Variants in LYPLA1 observed in about 807,000 individuals in gnomAD.
LYPLA1 encodes the protein lysophospholipase 1.
In LYPLA1, 17 loss-of-function variants were observed where a neutral mutation model predicts 34.0. The ratio of observed to expected loss-of-function variants is 0.50; its 90% CI spans 0.34 to 0.75. The LOEUF (loss-of-function observed/expected upper bound fraction) is 0.75. LYPLA1 is among the 30% of genes least tolerant of loss of function. The probability of loss-of-function intolerance (pLI) is 0.01; values close to 1 mark genes in which losing one functional copy is unlikely to be tolerated. For synonymous variants in LYPLA1, 98 were observed against 100.8 expected (o/e 0.97, Z 0.17); for missense variants, 203 against 288.8 (o/e 0.70, Z 2.15).
chr8:54,048,616 T>C (rs1805631567), intron 8 of LYPLA1, among the ~76,000 whole-genome samples: 1 of 152,222 alleles, frequency 6.6e-6, no homozygotes, highest in African/African-American at 2.4e-5. Context: ...AACATTAATA[T>C]ACCAAAGATT....
chr8:54,090,781 T>A (rs559622070), intron 2 of LYPLA1, among the ~76,000 whole-genome samples: 1 of 152,318 alleles, frequency 6.6e-6, no homozygotes, highest in South Asian at 2.1e-4. Context: ...AATACCCATG[T>A]GTCAAGGGTG....
chr8:54,098,643 T>A (rs1219942303), intron 2 of LYPLA1, among the ~76,000 whole-genome samples: 1 of 152,218 alleles, frequency 6.6e-6, no homozygotes, highest in Non-Finnish European at 1.5e-5. Context: ...ATCGTGCCAC[T>A]GCACTCCAGC....
At chr8:54,048,390 A>G (rs1331866921) in intron 8 of LYPLA1, among the ~76,000 whole-genome samples, 2 of 152,198 alleles carry the variant, frequency 1.3e-5, no homozygotes, top group Non-Finnish European at 2.9e-5. Context: ...GGGGGCAGGG[A>G]AGTTTAGAAG....
chr8:54,095,449 T>C (rs894776472), intron 2 of LYPLA1, among the ~76,000 whole-genome samples: 1 of 152,224 alleles, frequency 6.6e-6, no homozygotes, highest in Non-Finnish European at 1.5e-5. Flanking sequence ...ATCAGGAATA[T>C]GTTATAATAT....
downstream of LYPLA1, among the ~76,000 whole-genome samples, chr8:54,044,563 C>T (rs1043635631): frequency 2.0e-5 from 3 of 152,072 alleles, no homozygotes; most frequent in South Asian, 2.1e-4. Context: ...AGTTTCCCTC[C>T]ACTTCCCTAT....
In LYPLA1 at chr8:54,055,112, T is replaced by C. The variant is rs1421188896; in HGVS notation, c.308A>G (p.Glu103Gly). 6.2e-7 allele frequency: 1 copy of C among 1,608,164 alleles called. No homozygotes were observed. The highest frequency in any genetic ancestry group is 1.7e-5 in the Admixed American group (1 of 59,830). Residue 103 changes from glutamate (E) to glycine (G), a missense_variant, in exon 6 of 9, where the codon GAA becomes GGA. By Grantham distance (98) the Glu-to-Gly change is moderately conservative (BLOSUM62 -2). Around this residue, in one of 3 missense-constraint regions of LYPLA1, gnomAD observed 123 missense variants for 199.2 expected, o/e 0.62. Transcript: ENST00000316963. Reference sequence around the variant, plus strand: ...GTTAGAAGGAATGCCATTCTTCACTTCTTGATCAATCAAAGCTTTTACTAA... The same window carrying C: ...GTTAGAAGGAATGCCATTCTTCACTCCTTGATCAATCAAAGCTTTTACTAA... ...AENIKALIDQ[E>G]VKNGIPSNRI...
chr8:54,043,778 C>T (rs189141004), downstream of LYPLA1, among the ~76,000 whole-genome samples: 1 of 152,170 alleles, frequency 6.6e-6, no homozygotes, highest in Non-Finnish European at 1.5e-5. Context: ...TTAGGCTGGT[C>T]TCGAACTCCT....
intron 2 of LYPLA1, among the ~76,000 whole-genome samples, chr8:54,084,731 CAT>C (rs1392386361): frequency 6.6e-6 from 1 of 152,106 alleles, no homozygotes; most frequent in African/African-American, 2.4e-5. Flanking sequence ...TAACTTGACA[CAT>C]AGAAAAGATT....
chr8:54,085,540 T>A (rs1808655670), intron 2 of LYPLA1, among the ~76,000 whole-genome samples: 1 of 151,496 alleles, frequency 6.6e-6, no homozygotes, highest in Non-Finnish European at 1.5e-5. Context: ...GAGGAGCGTC[T>A]CTGCCCGGCC....
chr8:54,062,168 AT>A, intron 5 of LYPLA1, 85 bp downstream of exon 5: 2 of 998,328 alleles, frequency 2.0e-6, no homozygotes, highest in Non-Finnish European at 1.5e-6. Flanking sequence ...CAAATGTGTA[AT>A]TTTTAACCAG....
In LYPLA1 at chr8:54,055,135, T is replaced by G; in HGVS notation, c.287-2A>C. The G allele has an allele frequency of 6.3e-7, 1 of 1,583,254 alleles. No homozygotes were observed. Reference sequence around the variant, plus strand: ...CTTCTTGATCAATCAAAGCTTTTACTAAAAACAACATGAAAGTTAGTCAGC... The same window carrying G: ...CTTCTTGATCAATCAAAGCTTTTACGAAAAACAACATGAAAGTTAGTCAGC... On this transcript the variant is annotated splice_acceptor_variant, in intron 5 of 8. Transcript: ENST00000316963. LOFTEE classifies it high-confidence loss of function.
chr8:54,068,391 G>A (rs570270410), intron 2 of LYPLA1, among the ~76,000 whole-genome samples: 120 of 152,160 alleles, frequency 7.9e-4, no homozygotes, highest in African/African-American at 2.7e-3. Context: ...AAACTCAAGA[G>A]ACCCAGAATA....
At chr8:54,066,927 T>TG (rs1250480959) in intron 2 of LYPLA1, among the ~76,000 whole-genome samples, 1 of 152,202 alleles carries the variant, frequency 6.6e-6, no homozygotes, top group Non-Finnish European at 1.5e-5. Flanking sequence ...ACAAGCACTT[T>TG]GGGAGACTGA....
downstream of LYPLA1, among the ~76,000 whole-genome samples, chr8:54,043,757 C>T (rs1007908565): frequency 1.3e-5 from 2 of 151,948 alleles, no homozygotes; most frequent in African/African-American, 2.4e-5. Flanking sequence ...GACGGGGTTT[C>T]ACCACCTTGG....
downstream of LYPLA1, among the ~76,000 whole-genome samples, chr8:54,045,187 C>T (rs1172620325): frequency 1.3e-5 from 2 of 152,262 alleles, no homozygotes; most frequent in Non-Finnish European, 2.9e-5. Flanking sequence ...ATATAAAATG[C>T]TTAGTATAGT....
intron 2 of LYPLA1, among the ~76,000 whole-genome samples, chr8:54,084,005 G>A (rs1412267713): frequency 1.3e-5 from 2 of 151,660 alleles, no homozygotes; most frequent in Non-Finnish European, 1.5e-5. Context: ...CGGTGTGGCA[G>A]TGAATGCCTG....
chr8:54,064,721 G>A (rs1383574423), intron 3 of LYPLA1, among the ~76,000 whole-genome samples: 1 of 152,132 alleles, frequency 6.6e-6, no homozygotes, highest in East Asian at 1.9e-4. Context: ...TTGCTTCTCA[G>A]CAACTTTTTG....
chr8:54,067,684 T>G (rs1157243530), intron 2 of LYPLA1, among the ~76,000 whole-genome samples: 3 of 151,552 alleles, frequency 2.0e-5, no homozygotes, highest in Non-Finnish European at 2.9e-5. Flanking sequence ...AGAGTCTTGA[T>G]GAATGTTAAT....
Position 54,094,145 on chromosome 8 carries a change from C to T in LYPLA1, c.101+6763G>A, listed in dbSNP as rs574450080. Reference sequence around the variant, plus strand: ...CTTATTTTATCTTTCAAACATTCTTCTCTATACTTTTATAATCTCCTTGGT... The same window carrying T: ...CTTATTTTATCTTTCAAACATTCTTTTCTATACTTTTATAATCTCCTTGGT... On this transcript the variant is annotated intron_variant, in intron 2 of 8. Coordinates refer to ENST00000316963, the MANE Select transcript of LYPLA1 (RefSeq NM_006330.4). Among the ~76,000 whole-genome samples, 5 of 152,290 alleles carry T rather than the reference C, an allele frequency of 3.3e-5. No homozygotes were observed. The South Asian group carries it at 1.0e-3, about 32-fold the overall frequency.
Sources: allele counts gnomAD v4.1 joint callset (sites outside exome capture counted in the v4.1 genomes callset), GRCh38; gene constraint gnomAD v4.1.1; regional missense constraint gnomAD v4.1.1; transcripts MANE v1.5; gene names NCBI Gene and HGNC (gene_info 2026-07-23, HGNC 2026-07-21).